Variants in NCKAP1L observed in about 807,000 individuals in gnomAD.
NCKAP1L encodes the protein NCK associated protein 1 like, also known as nck-associated protein 1-like.
NCKAP1L carries 53 observed loss-of-function variants against 139.2 expected under a neutral mutation model. The observed-to-expected ratio is 0.38, with a 90% CI of 0.31 to 0.48. The LOEUF is 0.48. Ranked by LOEUF, NCKAP1L falls within the 20% of genes least tolerant of loss-of-function variation. NCKAP1L has a pLI of 0.98. For synonymous variants in NCKAP1L, 468 were observed against 499.7 expected, an observed-to-expected ratio of 0.94 and a Z score of 0.85; for missense variants, 1,151 against 1,381.9, an observed-to-expected ratio of 0.83 and a Z score of 2.65.
chr12:54,517,431 T>C (rs1021036442), intron 11 of NCKAP1L, 102 bp from the exon 12 acceptor site: 2 of 785,526 alleles, frequency 2.5e-6, no homozygotes, highest in African/African-American at 3.4e-5. Flanking sequence ...CTGTTGTGGC[T>C]ACACAATTAC....
chr12:54,511,105 G>C (rs944506903), intron 7 of NCKAP1L, among the ~76,000 whole-genome samples: 21 of 152,292 alleles, frequency 1.4e-4, no homozygotes, highest in African/African-American at 4.6e-4. Flanking sequence ...CCAAATGAGT[G>C]ATTTACATTT....
rs771679884 is a variant in NCKAP1L, at chr12:54,526,762, G to C, written c.2375+16G>C. On this transcript the variant is annotated intron_variant, in intron 21 of 30. Transcript: ENST00000293373. ...ACACAAACTGGTCAGTGTTGCTTAGGCTTTTCCACTGCCTTACTTTGTGTT... is the reference window on the plus strand; with the variant it reads ...ACACAAACTGGTCAGTGTTGCTTAGCCTTTTCCACTGCCTTACTTTGTGTT... 13 of 1,605,584 alleles carry C rather than the reference G, an allele frequency of 8.1e-6. No homozygotes were observed. The East Asian group carries it at 1.8e-4, about 22-fold the overall frequency.
At chr12:54,541,387 A>G (rs1957157051) in intron 30 of NCKAP1L, among the ~76,000 whole-genome samples, 1 of 152,202 alleles carries the variant, frequency 6.6e-6, no homozygotes, top group African/African-American at 2.4e-5. Context: ...GGAGAATAGA[A>G]AGTCTTGGGC....
chr12:54,517,744 GTGTT>G, intron 12 of NCKAP1L, 58 bp from the exon 13 acceptor site: 1 of 1,605,548 alleles, frequency 6.2e-7, no homozygotes, highest in Non-Finnish European at 8.5e-7. Context: ...TGATATCACT[GTGTT>G]TGTCTCAGTT....
At chr12:54,542,105 A>G (rs1957162531) in intron 30 of NCKAP1L, among the ~76,000 whole-genome samples, 1 of 152,092 alleles carries the variant, frequency 6.6e-6, no homozygotes, top group South Asian at 2.1e-4. Context: ...CAAGCACTGT[A>G]CTGAGAGAGG....
At chr12:54,520,555 G>A (rs1956973284) in intron 16 of NCKAP1L, 139 bp from the exon 17 acceptor site, 7 of 859,242 alleles carry the variant, frequency 8.1e-6, no homozygotes, top group Non-Finnish European at 1.3e-5. Flanking sequence ...ATCGGTAAAT[G>A]TTTTTTGAAA....
rs180814042 is a variant in NCKAP1L at position 54,526,396 on chromosome 12, A to G, written c.2157-132A>G. On this transcript the variant is annotated intron_variant, in intron 20 of 30. Coordinates refer to ENST00000293373, the MANE Select transcript of NCKAP1L (RefSeq NM_005337.5). ...ACTGTCTCTAGCTTATTAGGTTACT[A>G]TGAGGTTTACATGAGATAATATGTG... is the stretch of plus-strand genomic sequence containing the variant. The G allele has an allele frequency of 5.3e-4, 357 of 679,460 alleles. 1 individual carries two copies. In the African/African-American group the frequency reaches 6.0e-3, roughly 11 times the overall value. 42.1% of individuals were successfully genotyped at this position (679,460 alleles called of 1,614,324 possible).
rs1301562241 is a variant in NCKAP1L at position 54,543,080 on chromosome 12, A to G, written c.*395A>G. On this transcript the variant is annotated 3_prime_UTR_variant, in exon 31 of 31. Transcript: ENST00000293373. ...GCGGGCAGAGATGATCAATCATCATATTAAATCATAATGAGCTTATAATCC... is the reference window on the plus strand; with the variant it reads ...GCGGGCAGAGATGATCAATCATCATGTTAAATCATAATGAGCTTATAATCC... The G allele has an allele frequency of 5.9e-6, 1 of 170,556 alleles. No homozygotes were observed. The highest frequency in any genetic ancestry group is 1.3e-5 in the Non-Finnish European group (1 of 79,470). The allele number at this position is 170,556 out of a possible 1,614,324, so 10.6% of individuals were successfully genotyped here. A position where few individuals can be genotyped will look rare whatever the true frequency, so the allele number is the denominator to read the frequency against.
intron 26 of NCKAP1L, among the ~76,000 whole-genome samples, chr12:54,533,103 TG>T (rs1299523686): frequency 2.0e-5 from 3 of 152,166 alleles, no homozygotes; most frequent in African/African-American, 7.2e-5. Flanking sequence ...CAAGTGACTG[TG>T]GGGGCAGTGA....
In NCKAP1L at chr12:54,535,068, C is replaced by T. The variant is rs368637919; in HGVS notation, c.2863-36C>T. ...CCTTCTGTCAAGCCATTGTGTCCTG[C>T]GAATCCTCTCTAGAATGTTATTTTC... On this transcript the variant is annotated intron_variant, in intron 26 of 30. Coordinates refer to ENST00000293373, the MANE Select transcript of NCKAP1L (RefSeq NM_005337.5). 614 of 1,565,440 alleles carry T rather than the reference C, an allele frequency of 3.9e-4. 1 individual carries two copies. The highest frequency in any genetic ancestry group is 1.6e-3 in the Middle Eastern group (9 of 5,780).
At chr12:54,534,445 C>T (rs1426173810) in intron 26 of NCKAP1L, among the ~76,000 whole-genome samples, 1 of 152,144 alleles carries the variant, frequency 6.6e-6, no homozygotes, top group Non-Finnish European at 1.5e-5. Context: ...TCTTGCATTC[C>T]ATCTAAAAAG....
intron 7 of NCKAP1L, among the ~76,000 whole-genome samples, chr12:54,511,213 T>A (rs185875355): frequency 7.2e-5 from 11 of 152,222 alleles, no homozygotes; most frequent in Admixed American, 2.6e-4. Flanking sequence ...ATTAAAAATA[T>A]CTGAACTGTT....
chr12:54,532,861 C>T (rs1278221477), intron 26 of NCKAP1L, among the ~76,000 whole-genome samples: 1 of 152,164 alleles, frequency 6.6e-6, no homozygotes, highest in African/African-American at 2.4e-5. Context: ...TCATCTGGAA[C>T]TAAGAAGTAT....
chr12:54,530,028 A>G (rs942292298), intron 22 of NCKAP1L, among the ~76,000 whole-genome samples: 2 of 152,188 alleles, frequency 1.3e-5, no homozygotes, highest in Non-Finnish European at 2.9e-5. Context: ...AGTTCTTCCT[A>G]TTAAAACAGG....
Position 54,539,848 on chromosome 12 carries a change from G to A in NCKAP1L, c.3273+875G>A, listed in dbSNP as rs1592354944. Among the ~76,000 whole-genome samples the A allele has an allele frequency of 3.9e-5, 6 of 152,310 alleles. No homozygotes were observed. In the East Asian group the frequency reaches 1.2e-3, roughly 29 times the overall value. Reference sequence around the variant, plus strand: ...TTTGCTAAGTAGCTTCAGCCCACTTGTAGGGCCTGTGTTAAACTTCTTCCT... The same window carrying A: ...TTTGCTAAGTAGCTTCAGCCCACTTATAGGGCCTGTGTTAAACTTCTTCCT... On this transcript the variant is annotated intron_variant, in intron 30 of 30. Coordinates refer to ENST00000293373, the MANE Select transcript of NCKAP1L (RefSeq NM_005337.5).
At chr12:54,522,151 C>G (rs1592346095) in intron 18 of NCKAP1L, among the ~76,000 whole-genome samples, 1 of 152,088 alleles carries the variant, frequency 6.6e-6, no homozygotes, top group East Asian at 1.9e-4. Context: ...ACAATTCCTG[C>G]CCTTGGGGAA....
intron 3 of NCKAP1L, among the ~76,000 whole-genome samples, chr12:54,506,068 C>T (rs1481866580): frequency 2.0e-5 from 3 of 152,166 alleles, no homozygotes; most frequent in Non-Finnish European, 4.4e-5. Context: ...GGCCATTATG[C>T]GTAAGTTGCT....
chr12:54,523,361 C>G lies in NCKAP1L; in HGVS notation c.1879-33C>G, dbSNP rs139269725. On this transcript the variant is annotated intron_variant, in intron 18 of 30. Transcript: ENST00000293373. ...CAGGTGCCGTTTTAGCAACAAATCC[C>G]CTTTCTCCATTTACCTGTGTTTGTT... The G allele has an allele frequency of 9.5e-5, 151 of 1,592,820 alleles. No homozygotes were observed. The African/African-American group carries it at 1.9e-3, about 20-fold the overall frequency.
chr12:54,498,119 A>T (rs1351428459), intron 1 of NCKAP1L, among the ~76,000 whole-genome samples: 1 of 151,070 alleles, frequency 6.6e-6, no homozygotes, highest in Non-Finnish European at 1.5e-5. Context: ...TGCCCCAACG[A>T]TGGCATCTGC....
Sources: allele counts gnomAD v4.1 joint callset (sites outside exome capture counted in the v4.1 genomes callset), GRCh38; gene constraint gnomAD v4.1.1; transcripts MANE v1.5; gene names NCBI Gene and HGNC (gene_info 2026-07-23, HGNC 2026-07-21).